Variants in ARMC3 observed in about 807,000 individuals in gnomAD.
The protein encoded by ARMC3 is armadillo repeat containing 3, also known as armadillo repeat-containing protein 3.
ARMC3 carries 74 observed loss-of-function variants against 90.3 expected under a neutral mutation model. The ratio of observed to expected loss-of-function variants is 0.82; its 90% confidence interval spans 0.68 to 0.99. The LOEUF (loss-of-function observed/expected upper bound fraction) is 0.99, where lower values mean the gene tolerates loss of function less well. ARMC3 is among the 50% of genes least tolerant of loss of function. The pLI is 0.00. For missense variants in ARMC3, 958 were observed against 1,042.8 expected, an observed-to-expected ratio of 0.92 and a Z score of 1.12; for synonymous variants, 334 against 361.8, an observed-to-expected ratio of 0.92 and a Z score of 0.87.
At chr10:22,988,215 T>C (rs1836545383) in intron 10 of ARMC3, among the ~76,000 whole-genome samples, 1 of 152,240 alleles carries the variant, frequency 6.6e-6, no homozygotes, top group Admixed American at 6.5e-5. Context: ...TGGAGTATCA[T>C]GCCTGAGAAT....
intron 7 of ARMC3, among the ~76,000 whole-genome samples, chr10:22,964,441 T>C (rs892621855): frequency 1.0e-5 from 1 of 97,584 alleles, no homozygotes; most frequent in Non-Finnish European, 2.0e-5. Context: ...GTAGTGTTAA[T>C]TTTTTTTTTT....
At chr10:23,001,757 A>G (rs1213440238) in intron 11 of ARMC3, among the ~76,000 whole-genome samples, 162 bp from the exon 12 acceptor site, 2 of 152,230 alleles carry the variant, frequency 1.3e-5, no homozygotes, top group Non-Finnish European at 2.9e-5. Context: ...GGTTTGCAAT[A>G]GATTTTTCAC....
chr10:22,976,638 T>C (rs1346187365), intron 8 of ARMC3, among the ~76,000 whole-genome samples: 1 of 152,216 alleles, frequency 6.6e-6, no homozygotes, highest in Non-Finnish European at 1.5e-5. Flanking sequence ...CTGAGCACTC[T>C]TACTTATGAC....
intron 11 of ARMC3, among the ~76,000 whole-genome samples, chr10:23,001,398 A>G (rs973567427): frequency 3.3e-5 from 5 of 151,844 alleles, no homozygotes; most frequent in Admixed American, 1.3e-4. Context: ...TGCTTCCATC[A>G]CGTGTCTTTT....
intron 16 of ARMC3, 70 bp downstream of exon 16, chr10:23,009,001 G>C (rs1015960115): frequency 1.0e-5 from 13 of 1,277,530 alleles, no homozygotes; most frequent in Middle Eastern, 1.9e-4. Flanking sequence ...TCTTCAGTAG[G>C]AAGCTTTCTT....
intron 2 of ARMC3, 98 bp downstream of exon 2, chr10:22,932,142 G>A (rs1353558732): frequency 2.3e-5 from 22 of 957,000 alleles, no homozygotes; most frequent in Admixed American, 3.2e-5. Flanking sequence ...ACATGAATAC[G>A]CGGTGGCAGA....
chr10:22,933,809 T>C (rs1416618910), intron 2 of ARMC3, among the ~76,000 whole-genome samples: 1 of 152,130 alleles, frequency 6.6e-6, no homozygotes, highest in Non-Finnish European at 1.5e-5. Flanking sequence ...GGTGTGAACC[T>C]GGGAGGCGGA....
chr10:22,968,086 C>T (rs1835515960), intron 7 of ARMC3, among the ~76,000 whole-genome samples: 1 of 152,174 alleles, frequency 6.6e-6, no homozygotes. Context: ...TACTTTTTAT[C>T]CATAAAACAT....
intron 2 of ARMC3, among the ~76,000 whole-genome samples, chr10:22,937,118 G>A (rs1235529102): frequency 6.6e-6 from 1 of 151,988 alleles, no homozygotes; most frequent in East Asian, 1.9e-4. Context: ...GCCCAGGCTG[G>A]TCTCGAACTC....
chr10:22,959,377 GTTAT>G lies in ARMC3; in HGVS notation c.362-15_362-12del, dbSNP rs750098411. ...AATAATAAGCAGTTGGCATACTTGT[GTTAT>G]TTATTTTTGATACACAGAAGAAGTA... On this transcript the variant is annotated intron_variant, in intron 5 of 18. Coordinates refer to ENST00000298032, the MANE Select transcript of ARMC3 (RefSeq NM_173081.5). The G allele has an allele frequency of 6.3e-7, 1 of 1,582,778 alleles. No individual in the cohort carries two copies. Among genetic ancestry groups the G allele is most frequent in the African/African-American group, 1.4e-5 (1 of 73,374 alleles).
intron 10 of ARMC3, among the ~76,000 whole-genome samples, chr10:22,982,201 G>A (rs1036306692): frequency 3.3e-5 from 5 of 152,056 alleles, no homozygotes; most frequent in African/African-American, 1.2e-4. Flanking sequence ...ACATGGTGAA[G>A]CCCCATCTAT....
At chr10:23,012,697 C>A (rs1838071427) in intron 16 of ARMC3, among the ~76,000 whole-genome samples, 1 of 152,100 alleles carries the variant, frequency 6.6e-6, no homozygotes, top group African/African-American at 2.4e-5. Flanking sequence ...CCAAGACAGT[C>A]CTATCCACTC....
chr10:23,001,507 C>T (rs543964197), intron 11 of ARMC3, among the ~76,000 whole-genome samples: 9 of 152,192 alleles, frequency 5.9e-5, no homozygotes, highest in Non-Finnish European at 8.8e-5. Flanking sequence ...TCTCAAGACC[C>T]TTAATCATCT....
At chr10:23,004,827 C>T (rs546457795) in intron 13 of ARMC3, among the ~76,000 whole-genome samples, 1 of 152,302 alleles carries the variant, frequency 6.6e-6, no homozygotes, top group East Asian at 1.9e-4. Flanking sequence ...ATAACACACA[C>T]AAACCACTGA....
chr10:22,986,023 C>A (rs868816100), intron 10 of ARMC3, among the ~76,000 whole-genome samples: 4 of 151,280 alleles, frequency 2.6e-5, no homozygotes, highest in African/African-American at 9.7e-5. Context: ...TTTTCACATA[C>A]CCTTATCATT....
rs767900766 is a variant in ARMC3, at chr10:22,998,364, C to A, written c.1392C>A (p.Thr464=). ...VVQSKAALAV[T]ATACDVEART... is the part of the protein sequence containing the mutation. Reference sequence around the variant, plus strand: ...AGAGCAAAGCTGCTCTCGCTGTCACCGCAACTGCGTGTGACGTTGAAGCCC... The same window carrying A: ...AGAGCAAAGCTGCTCTCGCTGTCACAGCAACTGCGTGTGACGTTGAAGCCC... Residue 464 remains threonine (T), a synonymous_variant, in exon 11 of 19, where the codon ACC becomes ACA. Coordinates refer to ENST00000298032, the MANE Select transcript of ARMC3 (RefSeq NM_173081.5). The A allele has an allele frequency of 2.5e-6, 4 of 1,614,074 alleles. No individual in the cohort carries two copies. Among genetic ancestry groups the A allele is most frequent in the Non-Finnish European group, 3.4e-6 (4 of 1,180,004 alleles).
At chr10:23,017,597 T>C (rs1200374469) in intron 16 of ARMC3, among the ~76,000 whole-genome samples, 3 of 152,192 alleles carry the variant, frequency 2.0e-5, no homozygotes, top group Non-Finnish European at 4.4e-5. Context: ...AAACCCTGTC[T>C]CTACTAAAAA....
chr10:22,977,757 A>G (rs1354186317), intron 8 of ARMC3, among the ~76,000 whole-genome samples: 1 of 152,248 alleles, frequency 6.6e-6, no homozygotes, highest in Non-Finnish European at 1.5e-5. Flanking sequence ...CTGGTCTGAA[A>G]GCTTGATTCT....
At chr10:22,963,404 T>A (rs1467517211) in intron 7 of ARMC3, among the ~76,000 whole-genome samples, 1 of 152,096 alleles carries the variant, frequency 6.6e-6, no homozygotes, top group Admixed American at 6.6e-5. Context: ...TATGTATATA[T>A]GTATATATTC....
Sources: gnomAD v4.1 joint callset for allele counts (sites outside exome capture counted in the v4.1 genomes callset) on GRCh38, gnomAD v4.1.1 for gene constraint, MANE v1.5 for transcripts, NCBI Gene and HGNC (gene_info 2026-07-23, HGNC 2026-07-21) for gene names.